Variants in FSCN2 observed in about 807,000 individuals in gnomAD.
FSCN2 encodes the protein fascin-2.
In FSCN2, 46 loss-of-function variants were observed where a neutral mutation model predicts 37.8. The ratio of observed to expected loss-of-function variants is 1.22; its 90% CI spans 0.96 to 1.56. The LOEUF is 1.56. Among genes scored for constraint, FSCN2 ranks in the 40% most tolerant of loss-of-function variants. FSCN2 has a pLI of 0.00. For synonymous variants in FSCN2, 351 were observed against 309.4 expected (o/e 1.13, Z -1.41); for missense variants, 844 against 730.4 (o/e 1.16, Z -1.79).
Position 81,537,123 on chromosome 17 carries a change from C to G in FSCN2, c.*43C>G, listed in dbSNP as rs2032916249. ...CCTGTCGCGCATTAAAACCGTGTCTCTCCCGCAGCTGTGGGTGGGCCCCGG... is the reference window on the plus strand; with the variant it reads ...CCTGTCGCGCATTAAAACCGTGTCTGTCCCGCAGCTGTGGGTGGGCCCCGG... On this transcript the variant is annotated 3_prime_UTR_variant, in exon 5 of 5. Coordinates refer to ENST00000417245, the MANE Select transcript of FSCN2 (RefSeq NM_012418.4). 7.4e-7 allele frequency: 1 copy of G among 1,345,506 alleles called. No homozygotes were observed. The highest frequency in any genetic ancestry group is 9.6e-7 in the Non-Finnish European group (1 of 1,042,390). The allele number at this position is 1,345,506 out of a possible 1,614,324, so 83.3% of individuals were successfully genotyped here.
rs750841687 is a variant in FSCN2, at chr17:81,536,596, A to G, written c.1106-26A>G. On this transcript the variant is annotated intron_variant, in intron 3 of 4. Coordinates refer to ENST00000417245, the MANE Select transcript of FSCN2 (RefSeq NM_012418.4). ...GGACAGGGAAGGTGGCGGGAGGGGC[A>G]GCGCAGCAGACGCTCTCCCCGCCAG... is the stretch of plus-strand genomic sequence containing the variant. 1.9e-6 allele frequency: 3 copies of G among 1,605,364 alleles called. No homozygotes were observed. Among genetic ancestry groups the G allele is most frequent in the Non-Finnish European group, 2.5e-6 (3 of 1,179,424 alleles).
chr17:81,531,143 G>T (rs979358343), intron 1 of FSCN2, among the ~76,000 whole-genome samples: 7 of 148,474 alleles, frequency 4.7e-5, no homozygotes. Context: ...TGGCAGCAGC[G>T]ACAATGATGG....
At chr17:81,532,086 ATGG>A (rs2032670146) in intron 1 of FSCN2, among the ~76,000 whole-genome samples, 1 of 123,960 alleles carries the variant, frequency 8.1e-6, no homozygotes, top group African/African-American at 3.1e-5. Context: ...GGTGATGGTG[ATGG>A]TGATGATGGT....
At chr17:81,527,347 C>T (rs1937016772), upstream of FSCN2, 1 of 152,278 alleles carries the variant, frequency 6.6e-6, no homozygotes. Flanking sequence ...AGGAAGAGGA[C>T]ACCGGGCTGG....
intron 3 of FSCN2, 120 bp downstream of exon 3, chr17:81,536,387 G>A (rs1197966101): frequency 1.4e-6 from 2 of 1,443,220 alleles, no homozygotes; most frequent in Non-Finnish European, 1.9e-6. Flanking sequence ...AACGGGTGCT[G>A]TCATGGAGTC....
At chr17:81,535,998 T>TG (rs1234645474) in intron 2 of FSCN2, 148 bp from the exon 3 acceptor site, 2 of 966,422 alleles carry the variant, frequency 2.1e-6, no homozygotes, top group Non-Finnish European at 3.0e-6. Flanking sequence ...GAAAGCCCAC[T>TG]GGGGCAGGGT....
At chr17:81,529,774 C>T (rs1342179239) in intron 1 of FSCN2, 3 of 409,148 alleles carry the variant, frequency 7.3e-6, no homozygotes, top group Non-Finnish European at 9.5e-6. Flanking sequence ...GTCCATATCT[C>T]CCCTTCTTTT....
chr17:81,525,635 G>T (rs1007767686), upstream of FSCN2, among the ~76,000 whole-genome samples: 3 of 151,990 alleles, frequency 2.0e-5, no homozygotes, highest in African/African-American at 7.3e-5. Flanking sequence ...CGAGGCAGGA[G>T]AATCACATGA....
In FSCN2 at chr17:81,535,054, G is replaced by T. The variant is rs181420326; in HGVS notation, c.829G>T (p.Val277Phe). The T allele has an allele frequency of 4.3e-5, 65 of 1,528,250 alleles. No individual in the cohort carries two copies. The highest frequency in any genetic ancestry group is 5.5e-5 in the Non-Finnish European group (63 of 1,142,580). The allele number at this position is 1,528,250 out of a possible 1,614,324, so 94.7% of individuals were successfully genotyped here. ...NHRYVSVRQGVNVSANQDDEL... is the reference protein window; with the variant it reads ...NHRYVSVRQGFNVSANQDDEL... Reference sequence around the variant, plus strand: ...GCTTCCCCATCTCCTCCCTCCAGGGGTCAACGTCTCAGCCAATCAGGATGA... The same window carrying T: ...GCTTCCCCATCTCCTCCCTCCAGGGTTCAACGTCTCAGCCAATCAGGATGA... The change falls in exon 2 of 5, where the codon GTC (valine) becomes TTC (phenylalanine). Residue 277 changes from valine to phenylalanine, a missense_variant and splice_region_variant. Val to Phe is a conservative substitution (Grantham distance 50). Transcript: ENST00000417245.
intron 1 of FSCN2, chr17:81,530,672 C>T (rs571824269): frequency 4.0e-6 from 2 of 496,144 alleles, no homozygotes; most frequent in Admixed American, 4.5e-5. Context: ...TGACGGATGT[C>T]CAGGCCCCCT....
intron 3 of FSCN2, 113 bp from the exon 4 acceptor site, chr17:81,536,509 G>T: frequency 1.3e-6 from 2 of 1,545,094 alleles, no homozygotes; most frequent in African/African-American, 2.7e-5. Context: ...ATGAGGCAAT[G>T]GCAGGCCTGG....
chr17:81,516,623 C>G, the FSCN2 span, among the ~76,000 whole-genome samples: 1 of 152,228 alleles, frequency 6.6e-6, no homozygotes, highest in East Asian at 1.9e-4. Flanking sequence ...GCAACTCGGC[C>G]TGGCTGCCTC....
chr17:81,526,610 G>A (rs540212676), upstream of FSCN2, among the ~76,000 whole-genome samples: 2 of 152,334 alleles, frequency 1.3e-5, no homozygotes, highest in African/African-American at 2.4e-5. Context: ...GGTGAGGAGC[G>A]AGACCCTATT....
At position 81,529,125 on chromosome 17, in the gene FSCN2, C is replaced by T. The variant is rs2032460596; in HGVS notation, c.594C>T (p.Gly198=). The T allele has an allele frequency of 6.3e-7, 1 of 1,582,810 alleles. No individual in the cohort carries two copies. Residue 198 remains glycine (G), a synonymous_variant, in exon 1 of 5, where the codon GGC becomes GGT. Transcript: ENST00000417245. ...ACAGCCGCTACCTGCGCAGCGACGGCCGTCTGGTCTGGGAGCCTGAGCCCC... is the reference window on the plus strand; with the variant it reads ...ACAGCCGCTACCTGCGCAGCGACGGTCGTCTGGTCTGGGAGCCTGAGCCCC... The part of the protein sequence containing the change: ...SCDSRYLRSD[G]RLVWEPEPRA...
intron 1 of FSCN2, among the ~76,000 whole-genome samples, chr17:81,531,614 G>A (rs2032612228): frequency 6.7e-6 from 1 of 149,254 alleles, no homozygotes; most frequent in African/African-American, 2.5e-5. Flanking sequence ...TAATGGTGAT[G>A]ATGGTGATGG....
At chr17:81,518,503 C>G in the FSCN2 span, among the ~76,000 whole-genome samples, 3 of 152,066 alleles carry the variant, frequency 2.0e-5, no homozygotes, top group Non-Finnish European at 4.4e-5. Context: ...AAGGCTAGGC[C>G]GATTCGCAGC....
chr17:81,517,394 C>T, the FSCN2 span, among the ~76,000 whole-genome samples: 1 of 152,200 alleles, frequency 6.6e-6, no homozygotes. Flanking sequence ...AGATGTGTGG[C>T]CCATCAGGGG....
the FSCN2 span, among the ~76,000 whole-genome samples, chr17:81,515,647 G>A: frequency 6.6e-6 from 1 of 152,158 alleles, no homozygotes; most frequent in African/African-American, 2.4e-5. Flanking sequence ...CCAGCTCCTT[G>A]CCCTGTTCCT....
At chr17:81,531,615 A>G (rs1477756658) in intron 1 of FSCN2, among the ~76,000 whole-genome samples, 5 of 97,136 alleles carry the variant, frequency 5.1e-5, no homozygotes, top group African/African-American at 7.9e-5. Context: ...AATGGTGATG[A>G]TGGTGATGGT....
Sources: gnomAD v4.1 joint callset for allele counts (sites outside exome capture counted in the v4.1 genomes callset) on GRCh38, gnomAD v4.1.1 for gene constraint, MANE v1.5 for transcripts, NCBI Gene and HGNC (gene_info 2026-07-23, HGNC 2026-07-21) for gene names.